Variants in DISP3 observed in about 807,000 individuals in gnomAD.
DISP3 encodes the protein dispatched RND transporter family member 3.
A neutral mutation model predicts 135.3 loss-of-function variants in DISP3; 101 were observed. The observed-to-expected ratio is 0.75, with a 90% CI of 0.64 to 0.88. The LOEUF (loss-of-function observed/expected upper bound fraction) is 0.88, where lower values mean the gene tolerates loss of function less well. Among genes scored for constraint, DISP3 ranks in the 40% least tolerant of loss-of-function variants. DISP3 has a pLI of 0.00. For synonymous variants in DISP3, 856 were observed against 817.0 expected, an observed-to-expected ratio of 1.05 and a Z score of -0.81; for missense variants, 1,713 against 1,878.6, an observed-to-expected ratio of 0.91 and a Z score of 1.63.
At chr1:11,482,266 G>A (rs544094149) in intron 1 of DISP3, among the ~76,000 whole-genome samples, 8 of 152,302 alleles carry the variant, frequency 5.3e-5, no homozygotes, top group African/African-American at 1.9e-4. Flanking sequence ...ACAGCTGAGA[G>A]CAGCTTTAGA....
Position 11,491,692 on chromosome 1 carries a change from C to T in DISP3, c.-3-9298C>T, listed in dbSNP as rs560157790. ...CCTGGAATCTGACCTAGAGTTTGCA[C>T]TTTAACGAGTATGCCTAGTGACTCC... On this transcript the variant is annotated intron_variant, in intron 1 of 20. Transcript: ENST00000294484. This position sits in a 1 kb window ranked among gnomAD's most constrained non-coding sequence, Gnocchi z 4.3. 6.6e-6 allele frequency among the ~76,000 whole-genome samples: 1 copy of T among 152,292 alleles called. No individual in the cohort carries two copies. Among genetic ancestry groups the T allele is most frequent in the East Asian group, 1.9e-4 (1 of 5,166 alleles).
chr1:11,535,591 C>T lies in DISP3; in HGVS notation c.3763C>T (p.Leu1255=), dbSNP rs761837587. 13 of 1,613,326 alleles carry T rather than the reference C, an allele frequency of 8.1e-6. No homozygotes were observed. The South Asian group carries it at 1.1e-4, about 14-fold the overall frequency. ...CTCCTCCGTGGATTACTGCGTCCAC[C>T]TGGTCGAGGGCTACCTGCTGGCTGG... ...VGSSVDYCVH[L]VEGYLLAGEN... is the part of the protein sequence containing the mutation. Residue 1255 remains leucine (L), a synonymous_variant, in exon 20 of 21, where the codon CTG becomes TTG. Transcript: ENST00000294484.
chr1:11,519,280 C>T lies in DISP3; in HGVS notation c.1890-75C>T. 6.6e-7 allele frequency: 1 copy of T among 1,506,648 alleles called. No individual in the cohort carries two copies. 93.3% of individuals were successfully genotyped at this position (1,506,648 alleles called of 1,614,324 possible). On this transcript the variant is annotated intron_variant, in intron 7 of 20. Transcript: ENST00000294484. The surrounding 1 kb of genome is among the most constrained non-coding windows in gnomAD (Gnocchi z 4.3). The stretch of plus-strand genomic sequence containing the variant: ...ACTGTGATACCTGGGTTCATCTGAT[C>T]CTCAGGGCCCTGCCCCACCCTCCCT...
intron 12 of DISP3, among the ~76,000 whole-genome samples, chr1:11,525,544 CTG>C (rs3860317): frequency 0.5 from 76,793 of 152,106 alleles, 23,803 homozygotes; most frequent in Non-Finnish European, 0.68. Flanking sequence ...CATTTATTAA[CTG>C]TGTGTCTTTA....
intron 5 of DISP3, 118 bp downstream of exon 5, chr1:11,515,621 G>T: frequency 7.1e-7 from 1 of 1,406,992 alleles, no homozygotes. Flanking sequence ...GCCTGCTGAG[G>T]CCTAGAGCCT....
intron 3 of DISP3, among the ~76,000 whole-genome samples, chr1:11,507,851 G>A (rs2100429943): frequency 6.6e-6 from 1 of 152,264 alleles, no homozygotes; most frequent in African/African-American, 2.4e-5. Context: ...ATCTAGTACA[G>A]GACCCAGAAT....
chr1:11,480,319 G>T (rs1484681885), intron 1 of DISP3, among the ~76,000 whole-genome samples: 1 of 152,084 alleles, frequency 6.6e-6, no homozygotes, highest in East Asian at 1.9e-4. Flanking sequence ...CACACCCACA[G>T]TCCACGCGCA....
intron 1 of DISP3, among the ~76,000 whole-genome samples, chr1:11,488,949 C>A (rs1313041499): frequency 6.6e-6 from 1 of 152,174 alleles, no homozygotes; most frequent in Non-Finnish European, 1.5e-5. Context: ...GATTCAGTCC[C>A]ACCGCCTCCC....
At chr1:11,513,705 A>T (rs1411780536) in intron 3 of DISP3, among the ~76,000 whole-genome samples, 2 of 152,174 alleles carry the variant, frequency 1.3e-5, no homozygotes, top group African/African-American at 4.8e-5. Flanking sequence ...GGGGAGTCCA[A>T]TATCTCATAT....
intron 12 of DISP3, among the ~76,000 whole-genome samples, chr1:11,526,447 G>C (rs1325053488): frequency 6.6e-6 from 1 of 152,228 alleles, no homozygotes; most frequent in Non-Finnish European, 1.5e-5. Context: ...AAGAAACAAG[G>C]CTCAGAGAGG....
intron 10 of DISP3, among the ~76,000 whole-genome samples, chr1:11,522,607 GCCCAGCCAGGA>G (rs1642240404): frequency 1.9e-4 from 8 of 41,860 alleles, no homozygotes; most frequent in African/African-American, 3.2e-4. Context: ...CCCAGCCAGA[GCCCAGCCAGGA>G]CCCAGCCAGA....
intron 1 of DISP3, among the ~76,000 whole-genome samples, chr1:11,482,547 G>A (rs189350918): frequency 7.8e-4 from 119 of 152,268 alleles, no homozygotes; most frequent in Middle Eastern, 3.4e-3. Flanking sequence ...AATAAAAGTA[G>A]GCACCCCAAA....
Position 11,529,418 on chromosome 1 carries a change from A to T in DISP3, c.2799-138A>T. On this transcript the variant is annotated intron_variant, in intron 13 of 20. Transcript: ENST00000294484. This position sits in a 1 kb window ranked among gnomAD's most constrained non-coding sequence, Gnocchi z 4.7. ...TCCCCCAGCCCTCAACCTGAGAACA[A>T]ATCCCCATGCCGGGGCAGAGCCCGA... The T allele has an allele frequency of 9.3e-7, 1 of 1,079,620 alleles. No homozygotes were observed. The highest frequency in any genetic ancestry group is 1.3e-6 in the Non-Finnish European group (1 of 751,356). The allele number at this position is 1,079,620 out of a possible 1,614,324, so 66.9% of individuals were successfully genotyped here. A position where few individuals can be genotyped will look rare whatever the true frequency, so the allele number is the denominator to read the frequency against.
At chr1:11,535,365 G>T in intron 19 of DISP3, 113 bp from the exon 20 acceptor site, 2 of 1,415,094 alleles carry the variant, frequency 1.4e-6, no homozygotes, top group South Asian at 2.7e-5. Context: ...TCCCCTCGGT[G>T]TGCCTTGTTT....
chr1:11,533,838 A>G (rs1035421423), intron 17 of DISP3: 3 of 717,612 alleles, frequency 4.2e-6, no homozygotes, highest in African/African-American at 3.5e-5. Context: ...GTGAGTGCCT[A>G]TTTCTCTCAT....
At chr1:11,509,183 T>C (rs936013822) in intron 3 of DISP3, among the ~76,000 whole-genome samples, 2 of 152,194 alleles carry the variant, frequency 1.3e-5, no homozygotes, top group Non-Finnish European at 2.9e-5. Context: ...GTGTGTTATT[T>C]AGTTTTCGAA....
chr1:11,490,456 A>G (rs1236072840), intron 1 of DISP3, among the ~76,000 whole-genome samples: 2 of 151,960 alleles, frequency 1.3e-5, no homozygotes, highest in African/African-American at 4.8e-5. Flanking sequence ...TTTAGTAGAA[A>G]CGGGGTTTCA....
intron 13 of DISP3, among the ~76,000 whole-genome samples, chr1:11,527,240 G>A (rs902067947): frequency 6.6e-6 from 1 of 152,152 alleles, no homozygotes; most frequent in African/African-American, 2.4e-5. Context: ...CAGCCCTGAG[G>A]GATGCCAGCA....
Position 11,520,016 on chromosome 1 carries a change from C to A in DISP3, c.2200+136C>A, listed in dbSNP as rs74055723. The A allele has an allele frequency of 4.3e-5, 35 of 815,500 alleles. No individual in the cohort carries two copies. Among genetic ancestry groups the A allele is most frequent in the South Asian group, 7.1e-5 (4 of 56,062 alleles). The allele number at this position is 815,500 out of a possible 1,614,324, so 50.5% of individuals were successfully genotyped here. ...TGGGGTCTCTCCCTCTCTGACCCCC[C>A]CTCTTTCCTGTGCAGAATGAAGCCG... On this transcript the variant is annotated intron_variant, in intron 9 of 20. Transcript: ENST00000294484. This position sits in a 1 kb window ranked among gnomAD's most constrained non-coding sequence, Gnocchi z 4.8.
Sources: gnomAD v4.1 joint callset for allele counts (sites outside exome capture counted in the v4.1 genomes callset) on GRCh38, gnomAD v4.1.1 for gene constraint, Gnocchi (gnomAD v3.1) non-coding constraint, MANE v1.5 for transcripts, NCBI Gene and HGNC (gene_info 2026-07-23, HGNC 2026-07-21) for gene names.